ST8SIA4: variants seen among roughly 807,000 people sequenced by gnomAD.
ST8SIA4 encodes CMP-N-acetylneuraminate-poly-alpha-2,8-sialyltransferase.
A neutral mutation model predicts 33.9 loss-of-function variants in ST8SIA4; 15 were observed. That is an observed-to-expected ratio of 0.44 (90% confidence interval 0.30 to 0.68). ST8SIA4 has a LOEUF of 0.68. Among genes scored for constraint, ST8SIA4 ranks in the 30% least tolerant of loss-of-function variants. ST8SIA4 has a pLI of 0.10. For synonymous variants in ST8SIA4, 171 were observed against 151.2 expected (o/e 1.13, Z -0.96); for missense variants, 321 against 428.0 (o/e 0.75, Z 2.21).
chr5:100,900,041 G>A (rs1433918500), intron 1 of ST8SIA4, among the ~76,000 whole-genome samples: 1 of 152,216 alleles, frequency 6.6e-6, no homozygotes, highest in Non-Finnish European at 1.5e-5. Flanking sequence ...TGAGAAGGTT[G>A]TGCTGGTTTT....
chr5:100,819,484 A>C (rs1024132607), intron 4 of ST8SIA4, among the ~76,000 whole-genome samples: 5 of 152,238 alleles, frequency 3.3e-5, no homozygotes, highest in African/African-American at 9.6e-5. Context: ...ACTCAAAAAA[A>C]GGTAAATATT....
intron 4 of ST8SIA4, among the ~76,000 whole-genome samples, chr5:100,835,671 G>T (rs565112311): frequency 6.6e-6 from 1 of 152,200 alleles, no homozygotes; most frequent in South Asian, 2.1e-4. Context: ...GCCAATTATT[G>T]TTTCGGAAGT....
intron 2 of ST8SIA4, among the ~76,000 whole-genome samples, 183 bp downstream of exon 2, chr5:100,895,471 T>C (rs1752760889): frequency 6.6e-6 from 1 of 152,084 alleles, no homozygotes; most frequent in Non-Finnish European, 1.5e-5. Context: ...TCTCTGACTA[T>C]ATAATGATTT....
At chr5:100,845,288 C>G (rs1283745115) in intron 4 of ST8SIA4, among the ~76,000 whole-genome samples, 1 of 151,912 alleles carries the variant, frequency 6.6e-6, no homozygotes, top group Non-Finnish European at 1.5e-5. Context: ...GATTAAATAA[C>G]TTTTCTCCAC....
intron 2 of ST8SIA4, among the ~76,000 whole-genome samples, chr5:100,893,780 A>G (rs1752723240): frequency 6.6e-6 from 1 of 152,158 alleles, no homozygotes; most frequent in Admixed American, 6.6e-5. Flanking sequence ...TAGTTAAACT[A>G]TTACAACATT....
chr5:100,878,360 A>C (rs997935682), intron 3 of ST8SIA4, among the ~76,000 whole-genome samples: 7 of 152,024 alleles, frequency 4.6e-5, no homozygotes, highest in Admixed American at 2.6e-4. Context: ...TATTTTCAGT[A>C]GAGATGGGGT....
intron 4 of ST8SIA4, among the ~76,000 whole-genome samples, chr5:100,820,323 A>G (rs749299725): frequency 2.6e-5 from 4 of 152,122 alleles, no homozygotes; most frequent in Non-Finnish European, 4.4e-5. Context: ...TTTCTCTTCA[A>G]TCGCATTATA....
In ST8SIA4 at chr5:100,856,098, C is replaced by T. The variant is rs1315905567; in HGVS notation, c.797+5G>A. On this transcript the variant is annotated splice_donor_5th_base_variant and intron_variant, in intron 4 of 4. Coordinates refer to ENST00000231461, the MANE Select transcript of ST8SIA4 (RefSeq NM_005668.6). ...AGGACAAACTGGTCCTTTCCAGTCA[C>T]TTACCCTCTGACAGCATGAATAAGT... The T allele has an allele frequency of 6.2e-7, 1 of 1,612,814 alleles. No individual in the cohort carries two copies. The highest frequency in any genetic ancestry group is 8.5e-7 in the Non-Finnish European group (1 of 1,179,070).
At chr5:100,894,524 A>C (rs534145703) in intron 2 of ST8SIA4, among the ~76,000 whole-genome samples, 1 of 152,188 alleles carries the variant, frequency 6.6e-6, no homozygotes, top group African/African-American at 2.4e-5. Context: ...TTCCCAGTCA[A>C]TTTCAAACCT....
At chr5:100,824,346 A>G (rs995349861) in intron 4 of ST8SIA4, among the ~76,000 whole-genome samples, 1 of 152,226 alleles carries the variant, frequency 6.6e-6, no homozygotes, top group Admixed American at 6.5e-5. Context: ...TATAAACTGC[A>G]TTAAAATATT....
intron 1 of ST8SIA4, among the ~76,000 whole-genome samples, chr5:100,899,664 T>C (rs1052673509): frequency 2.7e-4 from 41 of 152,204 alleles, no homozygotes; most frequent in African/African-American, 9.7e-4. Flanking sequence ...AATATTTATA[T>C]GACATTAAAG....
At chr5:100,899,735 G>T (rs1468629221) in intron 1 of ST8SIA4, among the ~76,000 whole-genome samples, 1 of 152,140 alleles carries the variant, frequency 6.6e-6, no homozygotes, top group East Asian at 1.9e-4. Flanking sequence ...TATTTTACTT[G>T]TGGGAGCCTT....
At chr5:100,835,420 CT>C (rs1232362248) in intron 4 of ST8SIA4, among the ~76,000 whole-genome samples, 2 of 151,800 alleles carry the variant, frequency 1.3e-5, no homozygotes, top group African/African-American at 2.4e-5. Context: ...TTTTAAAAAT[CT>C]TTTTTTTCAA....
Position 100,902,922 on chromosome 5 carries a change from T to C in ST8SIA4, c.34A>G (p.Thr12Ala). ...RSIRKRWTIC[T>A]ISLLLIFYKT... ...TAAAAGATCAGGAGCAGACTTATTG[T>C]GCAGATCGTCCACCTCTTCCTAATG... Residue 12 changes from threonine (T) to alanine (A), a missense_variant, in exon 1 of 5, where the codon ACA becomes GCA. Physicochemically the swap from Thr to Ala is moderately conservative, Grantham distance 58. Coordinates refer to ENST00000231461, the MANE Select transcript of ST8SIA4 (RefSeq NM_005668.6). 1 of 1,614,244 alleles carries C rather than the reference T, an allele frequency of 6.2e-7. No individual in the cohort carries two copies. Among genetic ancestry groups the C allele is most frequent in the Non-Finnish European group, 8.5e-7 (1 of 1,180,042 alleles).
At chr5:100,848,174 C>T (rs1470594990) in intron 4 of ST8SIA4, among the ~76,000 whole-genome samples, 1 of 151,756 alleles carries the variant, frequency 6.6e-6, no homozygotes, top group Non-Finnish European at 1.5e-5. Context: ...GGGATATTTA[C>T]TATACATTAA....
chr5:100,817,045 C>T (rs1305018471), intron 4 of ST8SIA4, among the ~76,000 whole-genome samples: 1 of 146,856 alleles, frequency 6.8e-6, no homozygotes, highest in Non-Finnish European at 1.5e-5. Context: ...CGGGTTGAAA[C>T]TATTCTCCTG....
At chr5:100,828,977 G>C (rs192864448) in intron 4 of ST8SIA4, among the ~76,000 whole-genome samples, 1 of 152,260 alleles carries the variant, frequency 6.6e-6, no homozygotes, top group African/African-American at 2.4e-5. Flanking sequence ...TCTGATGCAG[G>C]CAATATTTGA....
At chr5:100,837,026 A>ACACG (rs1258403625) in intron 4 of ST8SIA4, among the ~76,000 whole-genome samples, 2 of 151,196 alleles carry the variant, frequency 1.3e-5, no homozygotes, top group African/African-American at 4.9e-5. Flanking sequence ...ACACACACAC[A>ACACG]CACACCGTAA....
intron 4 of ST8SIA4, among the ~76,000 whole-genome samples, chr5:100,853,843 AC>A (rs1183899744): frequency 6.6e-6 from 1 of 152,180 alleles, no homozygotes; most frequent in Non-Finnish European, 1.5e-5. Flanking sequence ...AGAAATATAA[AC>A]CAAAATCTAG....
Sources: allele counts gnomAD v4.1 joint callset (sites outside exome capture counted in the v4.1 genomes callset), GRCh38; gene constraint gnomAD v4.1.1; transcripts MANE v1.5; gene names NCBI Gene and HGNC (gene_info 2026-07-23, HGNC 2026-07-21).